Variants in STAG2 observed in about 807,000 individuals in gnomAD.
STAG2 encodes the protein cohesin subunit SA-2.
In STAG2, 14 loss-of-function variants were observed where a neutral mutation model predicts 108.1. The ratio of observed to expected loss-of-function variants is 0.13; its 90% confidence interval spans 0.09 to 0.20. The LOEUF is 0.20. STAG2 is among the 10% of genes least tolerant of loss of function. STAG2 has a pLI of 1.00. For synonymous variants in STAG2, 307 were observed against 302.7 expected, an observed-to-expected ratio of 1.01 and a Z score of -0.15; for missense variants, 440 against 940.9, an observed-to-expected ratio of 0.47 and a Z score of 6.96.
At chrX:123,962,518 ATATTG>A (rs2053915813) in intron 1 of STAG2, among the ~76,000 whole-genome samples, 1 of 110,688 alleles carries the variant, frequency 9.0e-6, no homozygotes, top group Admixed American at 9.7e-5. Context: ...TTAATTTTTA[ATATTG>A]TATTAGTAGT....
At chrX:124,074,913 T>C (rs1318417630) in intron 25 of STAG2, among the ~76,000 whole-genome samples, 1 of 112,309 alleles carries the variant, frequency 8.9e-6, no homozygotes, top group Non-Finnish European at 1.9e-5. Context: ...AATTGTCCAT[T>C]ATAGTGACAG....
chrX:124,061,944 C>A (rs867726672), intron 17 of STAG2, 70 bp downstream of exon 17: 2 of 797,654 alleles, frequency 2.5e-6, no homozygotes, highest in Non-Finnish European at 1.8e-6. Flanking sequence ...TTTAAAAATT[C>A]CATTTTAGCC....
chrX:124,022,370 CAA>C (rs5903652), intron 2 of STAG2, among the ~76,000 whole-genome samples, 159 bp from the exon 3 acceptor site: 264 of 78,530 alleles, frequency 3.4e-3, no homozygotes, highest in East Asian at 0.034. Context: ...GACTGTGTCT[CAA>C]AAAAAAAAAA....
intron 20 of STAG2, 46 bp downstream of exon 20, chrX:124,064,097 T>A: frequency 1.0e-6 from 1 of 961,313 alleles, no homozygotes. Flanking sequence ...TGAGCCCCTC[T>A]ACTGCAGTAA....
intron 6 of STAG2, among the ~76,000 whole-genome samples, chrX:124,042,264 C>A (rs2057742985): frequency 2.7e-5 from 3 of 110,814 alleles, no homozygotes; most frequent in Admixed American, 9.7e-5. Context: ...AGAGACAAAG[C>A]CAATATAAAT....
At chrX:124,100,038 G>C (rs1340387169) in intron 34 of STAG2, among the ~76,000 whole-genome samples, 1 of 111,494 alleles carries the variant, frequency 9.0e-6, no homozygotes, top group Non-Finnish European at 1.9e-5. Context: ...TTGTAGTTCT[G>C]TTCCATTCAC....
intron 21 of STAG2, 84 bp downstream of exon 21, chrX:124,066,030 T>A: frequency 5.1e-6 from 5 of 974,904 alleles, no homozygotes. Context: ...ATTTCTAAGC[T>A]AATTTGTTGT....
chrX:124,075,307 C>G (rs775301921), intron 25 of STAG2, among the ~76,000 whole-genome samples: 4 of 111,812 alleles, frequency 3.6e-5, no homozygotes, highest in African/African-American at 1.3e-4. Flanking sequence ...GAGTTTCACT[C>G]TTGTTGCCCA....
intron 13 of STAG2, among the ~76,000 whole-genome samples, chrX:124,054,134 G>C (rs6608141): frequency 2.7e-5 from 3 of 111,802 alleles, no homozygotes; most frequent in African/African-American, 9.7e-5. Flanking sequence ...AAACTTGACA[G>C]TATCTGTCAG....
chrX:123,970,248 A>G (rs1192109280), intron 1 of STAG2, among the ~76,000 whole-genome samples: 1 of 110,050 alleles, frequency 9.1e-6, no homozygotes, highest in African/African-American at 3.3e-5. Flanking sequence ...GTATTCCAAG[A>G]AAACCAAGAA....
At chrX:124,075,661 T>C (rs1329454149) in intron 25 of STAG2, among the ~76,000 whole-genome samples, 3 of 111,642 alleles carry the variant, frequency 2.7e-5, no homozygotes, top group Non-Finnish European at 5.6e-5. Flanking sequence ...TGCAGCTTTT[T>C]TTTTTAATAT....
In STAG2 at chrX:124,007,085, C is replaced by CGTACTCCT. The variant is rs1222546572; in HGVS notation, c.-162-14280_-162-14273dup. On this transcript the variant is annotated intron_variant, in intron 1 of 34. Transcript: ENST00000371145. ...ACCTAATCACAGCTCACTGCAGCCT[C>CGTACTCCT]GTACTCCTGGGCTCAAGCGATCTCT... Among the ~76,000 whole-genome samples the CGTACTCCT allele has an allele frequency of 4.6e-5, 5 of 109,860 alleles. No individual in the cohort carries two copies. In the East Asian group the frequency reaches 1.4e-3, roughly 32 times the overall value.
chrX:124,063,031 T>G (rs1470304066), intron 18 of STAG2, 37 bp downstream of exon 18: 1 of 1,179,735 alleles, frequency 8.5e-7, no homozygotes, highest in Non-Finnish European at 1.1e-6. Flanking sequence ...TACTAAGAAA[T>G]GAGTTTTTTT....
At chrX:123,978,998 A>G (rs924242787) in intron 1 of STAG2, among the ~76,000 whole-genome samples, 25 of 111,324 alleles carry the variant, frequency 2.2e-4, no homozygotes, top group African/African-American at 7.2e-4. Context: ...AGTACATTCC[A>G]TGTGTCAGAT....
At chrX:124,083,206 T>TTGTGTGTG (rs199790131) in intron 28 of STAG2, among the ~76,000 whole-genome samples, 3 of 107,044 alleles carry the variant, frequency 2.8e-5, no homozygotes, top group Non-Finnish European at 3.9e-5. Flanking sequence ...GTGTGTGTGT[T>TTGTGTGTG]TGTGTGTGTG....
intron 24 of STAG2, among the ~76,000 whole-genome samples, chrX:124,069,582 T>G (rs769046181): frequency 1.2e-4 from 13 of 111,963 alleles, no homozygotes; most frequent in Non-Finnish European, 2.1e-4. Context: ...ATTTTTATAG[T>G]TTAAAATGTT....
intron 1 of STAG2, among the ~76,000 whole-genome samples, chrX:123,990,221 G>A (rs1211058106): frequency 1.8e-5 from 2 of 111,943 alleles, no homozygotes; most frequent in African/African-American, 6.5e-5. Flanking sequence ...GCCACTTGGT[G>A]TACACCCCAT....
intron 1 of STAG2, among the ~76,000 whole-genome samples, chrX:123,975,804 A>T (rs1201949505): frequency 8.9e-6 from 1 of 112,498 alleles, no homozygotes; most frequent in Non-Finnish European, 1.9e-5. Flanking sequence ...ATCAGTGCAT[A>T]AAGTGCTACT....
At chrX:124,016,851 A>G (rs749810316) in intron 1 of STAG2, among the ~76,000 whole-genome samples, 10 of 111,103 alleles carry the variant, frequency 9.0e-5, no homozygotes, top group Non-Finnish European at 1.7e-4. Flanking sequence ...CCTATAGTCT[A>G]TGGATAATTG....
Sources: gnomAD v4.1 joint callset for allele counts (sites outside exome capture counted in the v4.1 genomes callset) on GRCh38, gnomAD v4.1.1 for gene constraint, MANE v1.5 for transcripts, NCBI Gene and HGNC (gene_info 2026-07-23, HGNC 2026-07-21) for gene names.